Variants in POLR1D observed in about 807,000 individuals in gnomAD.
POLR1D encodes RNA polymerase I and III subunit D.
In POLR1D, 8 loss-of-function variants were observed where a neutral mutation model predicts 10.8. The ratio of observed to expected loss-of-function variants is 0.74; its 90% CI spans 0.43 to 1.33. The LOEUF (loss-of-function observed/expected upper bound fraction) is 1.33. Ranked by LOEUF, POLR1D falls within the 40% of genes most tolerant of loss-of-function variation. POLR1D has a pLI of 0.01. For missense variants in POLR1D, 152 were observed against 161.7 expected, an observed-to-expected ratio of 0.94 and a Z score of 0.32; for synonymous variants, 54 against 57.2, an observed-to-expected ratio of 0.94 and a Z score of 0.25.
intron 1 of POLR1D, among the ~76,000 whole-genome samples, chr13:27,635,813 A>G (rs1417017994): frequency 6.6e-6 from 1 of 151,636 alleles, no homozygotes; most frequent in Non-Finnish European, 1.5e-5. Context: ...TTAATCGCAT[A>G]GCTTTGTGAC....
At chr13:27,642,865 A>G (rs759610134) in intron 1 of POLR1D, among the ~76,000 whole-genome samples, 9 of 152,156 alleles carry the variant, frequency 5.9e-5, no homozygotes, top group Non-Finnish European at 1.2e-4. Context: ...TTATTTTTCC[A>G]CCACTGCTTA....
chr13:27,664,896 A>G (rs1956399943), intron 2 of POLR1D: 2 of 152,244 alleles, frequency 1.3e-5, no homozygotes, highest in South Asian at 4.1e-4. Flanking sequence ...TAAGAGAAAT[A>G]TGAACGTTCT....
In POLR1D at chr13:27,659,908, A is replaced by G. The variant is rs891601761; in HGVS notation, c.102-5778A>G. ...ATAATGCGTTGCATATCTCAGGTGT[A>G]TATATATATATATATATACACACAC... On this transcript the variant is annotated intron_variant, in intron 2 of 2. Coordinates refer to the POLR1D transcript ENST00000399697. Among the ~76,000 whole-genome samples, 5 of 145,366 alleles carry G rather than the reference A, an allele frequency of 3.4e-5. No homozygotes were observed. The South Asian group carries it at 6.6e-4, about 19-fold the overall frequency.
At chr13:27,656,207 C>G (rs1023271029) in intron 2 of POLR1D, among the ~76,000 whole-genome samples, 4 of 152,034 alleles carry the variant, frequency 2.6e-5, no homozygotes, top group Non-Finnish European at 5.9e-5. Context: ...AGATACCATA[C>G]AAAAAGTTAA....
At chr13:27,638,053 T>G (rs910681599) in intron 1 of POLR1D, among the ~76,000 whole-genome samples, 24 of 152,226 alleles carry the variant, frequency 1.6e-4, no homozygotes, top group Admixed American at 1.1e-3. Flanking sequence ...AACTACCATA[T>G]GCCTCAAAGC....
At chr13:27,652,911 CTTT>C (rs71083685) in intron 2 of POLR1D, among the ~76,000 whole-genome samples, 1 of 89,332 alleles carries the variant, frequency 1.1e-5, no homozygotes, top group Non-Finnish European at 2.1e-5. Context: ...TTTACCATTT[CTTT>C]TTTTTTTTTT....
chr13:27,633,877 G>T (rs979323970), intron 1 of POLR1D, among the ~76,000 whole-genome samples: 1 of 152,198 alleles, frequency 6.6e-6, no homozygotes, highest in East Asian at 1.9e-4. Context: ...TGTTGCTGTT[G>T]TTGTTTCCAA....
chr13:27,628,733 T>C (rs566615548), intron 1 of POLR1D, among the ~76,000 whole-genome samples: 5 of 152,368 alleles, frequency 3.3e-5, no homozygotes, highest in Non-Finnish European at 7.3e-5. Flanking sequence ...TGGACTACTC[T>C]GTGGGAAGGA....
At position 27,656,611 on chromosome 13, in the gene POLR1D, C is replaced by G. The variant is rs138692152; in HGVS notation, c.101+8158C>G. Among the ~76,000 whole-genome samples the G allele has an allele frequency of 5.1e-3, 776 of 152,194 alleles. 4 individuals are homozygous for G. Among genetic ancestry groups the G allele is most frequent in the African/African-American group, 0.018 (734 of 41,502 alleles). ...TGGCAGAAATGAAAGAGGCAGTAAT[C>G]CAGTGGAGATGAAGGGATGTGGAAA... On this transcript the variant is annotated intron_variant, in intron 2 of 2. Transcript: ENST00000399697.
intron 1 of POLR1D, among the ~76,000 whole-genome samples, chr13:27,637,500 C>A (rs1956136170): frequency 6.6e-6 from 1 of 152,310 alleles, no homozygotes; most frequent in South Asian, 2.1e-4. Context: ...CATCTAAGTT[C>A]ATCACTTTGA....
chr13:27,648,533 A>G (rs1464873489), intron 2 of POLR1D: 3 of 867,128 alleles, frequency 3.5e-6, no homozygotes, highest in African/African-American at 3.4e-5. Context: ...TCTTTAGCAT[A>G]TAGAGGAAAT....
In POLR1D at chr13:27,621,937, C is replaced by A. The variant is rs749220350; in HGVS notation, c.-47C>A. 1.0e-5 allele frequency: 16 copies of A among 1,567,070 alleles called. No homozygotes were observed. The South Asian group carries it at 1.5e-4, about 15-fold the overall frequency. On this transcript the variant is annotated 5_prime_UTR_variant, in exon 1 of 2. Coordinates refer to ENST00000302979, the MANE Select transcript of POLR1D (RefSeq NM_015972.4). ...CCGCGCCTCGCGCTATGGGACAGAGCCCCCGATCCGCCAGCACCACCTGAG... is the reference window on the plus strand; with the variant it reads ...CCGCGCCTCGCGCTATGGGACAGAGACCCCGATCCGCCAGCACCACCTGAG...
intron 2 of POLR1D, among the ~76,000 whole-genome samples, chr13:27,654,335 T>C (rs79822448): frequency 4.6e-5 from 7 of 152,354 alleles, no homozygotes; most frequent in Non-Finnish European, 1.0e-4. Flanking sequence ...CTGGAAAATA[T>C]TGGTTCACTG....
At chr13:27,641,163 A>T (rs891123126) in intron 1 of POLR1D, among the ~76,000 whole-genome samples, 3 of 152,232 alleles carry the variant, frequency 2.0e-5, no homozygotes, top group African/African-American at 7.2e-5. Context: ...TGCATTTTCA[A>T]TACAAATGCC....
chr13:27,623,445 T>G lies in POLR1D; in HGVS notation c.*195T>G, dbSNP rs1955974486. Reference sequence around the variant, plus strand: ...TCTTCTAATAAATTCCCTCTTTTATTTAAACTAGTTTGACTGGTTTCTGTT... The same window carrying G: ...TCTTCTAATAAATTCCCTCTTTTATGTAAACTAGTTTGACTGGTTTCTGTT... On this transcript the variant is annotated 3_prime_UTR_variant, in exon 2 of 2. Transcript: ENST00000302979. 2.4e-6 allele frequency: 3 copies of G among 1,255,490 alleles called. No individual in the cohort carries two copies. The highest frequency in any genetic ancestry group is 3.1e-5 in the Admixed American group (1 of 32,636). The allele number at this position is 1,255,490 out of a possible 1,614,324, so 77.8% of individuals were successfully genotyped here.
At chr13:27,637,702 T>C (rs1956138222) in intron 1 of POLR1D, among the ~76,000 whole-genome samples, 1 of 152,198 alleles carries the variant, frequency 6.6e-6, no homozygotes, top group South Asian at 2.1e-4. Context: ...CTTAATTTCA[T>C]TGCCGTATAA....
intron 1 of POLR1D, among the ~76,000 whole-genome samples, chr13:27,639,426 ACC>A (rs1411306954): frequency 1.3e-5 from 2 of 152,108 alleles, no homozygotes; most frequent in African/African-American, 4.8e-5. Flanking sequence ...TTCCTAAGTA[ACC>A]CTATCATCAC....
chr13:27,631,306 G>A (rs1371988359), intron 1 of POLR1D, among the ~76,000 whole-genome samples: 2 of 152,218 alleles, frequency 1.3e-5, no homozygotes, highest in African/African-American at 4.8e-5. Flanking sequence ...TGCCATGGCA[G>A]CTGGCTTCCT....
At chr13:27,661,581 A>G (rs1210725643) in intron 2 of POLR1D, among the ~76,000 whole-genome samples, 1 of 152,174 alleles carries the variant, frequency 6.6e-6, no homozygotes, top group African/African-American at 2.4e-5. Context: ...CTTATGCTCA[A>G]TTTCAGGGCT....
Sources: gnomAD v4.1 joint callset for allele counts (sites outside exome capture counted in the v4.1 genomes callset) on GRCh38, gnomAD v4.1.1 for gene constraint, MANE v1.5 for transcripts, NCBI Gene and HGNC (gene_info 2026-07-23, HGNC 2026-07-21) for gene names.